Variants in ZPBP observed in about 807,000 individuals in gnomAD.
The protein encoded by ZPBP is zona pellucida binding protein.
A neutral mutation model predicts 44.8 loss-of-function variants in ZPBP; 26 were observed. That is an observed-to-expected ratio of 0.58 (90% CI 0.43 to 0.81). The LOEUF (loss-of-function observed/expected upper bound fraction) is 0.81. Among genes scored for constraint, ZPBP ranks in the 30% least tolerant of loss-of-function variants. ZPBP has a pLI of 0.00. For missense variants in ZPBP, 409 were observed against 434.0 expected, an observed-to-expected ratio of 0.94 and a Z score of 0.51; for synonymous variants, 174 against 153.2, an observed-to-expected ratio of 1.14 and a Z score of -1.00.
chr7:50,010,426 A>G (rs1562843003), intron 6 of ZPBP, among the ~76,000 whole-genome samples: 1 of 152,202 alleles, frequency 6.6e-6, no homozygotes, highest in Non-Finnish European at 1.5e-5. Flanking sequence ...GGCAAAAAAA[A>G]AAAGTAAAAT....
intron 2 of ZPBP, among the ~76,000 whole-genome samples, chr7:49,880,738 G>A (rs1403419349): frequency 2.0e-5 from 3 of 151,994 alleles, no homozygotes; most frequent in South Asian, 2.1e-4. Context: ...TGTAAATGAC[G>A]AGTTAACGGA....
intron 1 of ZPBP, 141 bp downstream of exon 1, chr7:50,092,927 A>G: frequency 7.7e-7 from 1 of 1,294,186 alleles, no homozygotes; most frequent in South Asian, 1.6e-5. Flanking sequence ...TTCCATAAAA[A>G]ATAAGCCTTT....
intron 7 of ZPBP, chr7:49,943,408 A>G: frequency 2.5e-6 from 1 of 405,726 alleles, no homozygotes; most frequent in Non-Finnish European, 4.7e-6. Flanking sequence ...TATTTCATCT[A>G]CAATGGGGAC....
chr7:49,857,056 T>A (rs1161519352), intron 2 of ZPBP, among the ~76,000 whole-genome samples: 3 of 140,238 alleles, frequency 2.1e-5, no homozygotes, highest in Non-Finnish European at 3.1e-5. Flanking sequence ...TAACATGATA[T>A]CTACCTTCTT....
At chr7:49,908,897 A>G (rs1326729704) in intron 1 of ZPBP, among the ~76,000 whole-genome samples, 1 of 152,228 alleles carries the variant, frequency 6.6e-6, no homozygotes, top group African/African-American at 2.4e-5. Context: ...AAAAATAAAG[A>G]TTTTATATTC....
At chr7:49,932,626 A>G (rs962656437), downstream of ZPBP, among the ~76,000 whole-genome samples, 6 of 152,086 alleles carry the variant, frequency 3.9e-5, no homozygotes, top group Admixed American at 6.6e-5. Flanking sequence ...AGATTGAGTT[A>G]ATGCTGAAAT....
chr7:49,849,113 C>T (rs1226991238), downstream of ZPBP, among the ~76,000 whole-genome samples: 1 of 152,088 alleles, frequency 6.6e-6, no homozygotes, highest in Non-Finnish European at 1.5e-5. Flanking sequence ...TTTCTTATTT[C>T]TCAGAGTTTG....
intron 1 of ZPBP, chr7:49,901,279 CTTTG>C (rs1156973406): frequency 2.6e-5 from 4 of 151,796 alleles, no homozygotes; most frequent in African/African-American, 7.2e-5. Context: ...ATAAAACTGT[CTTTG>C]TTTGCAGATG....
At chr7:49,842,958 T>G in the ZPBP span, among the ~76,000 whole-genome samples, 4 of 152,310 alleles carry the variant, frequency 2.6e-5, no homozygotes, top group Non-Finnish European at 5.9e-5. Context: ...CTGGGTGTAC[T>G]GTGTGATGCT....
rs1193781479 is a variant in ZPBP, at chr7:50,030,983, G to A, written c.706+109C>T. On this transcript the variant is annotated intron_variant, in intron 5 of 7. Transcript: ENST00000046087. ...AGTAGAGAACAAAATATATTTGGAT[G>A]TATGGTGTTTATGTTTATATCATAA... 7 of 889,662 alleles carry A rather than the reference G, an allele frequency of 7.9e-6. No individual in the cohort carries two copies. The East Asian group carries it at 1.0e-4, about 13-fold the overall frequency. The allele number at this position is 889,662 out of a possible 1,614,324, so 55.1% of individuals were successfully genotyped here.
intron 2 of ZPBP, among the ~76,000 whole-genome samples, chr7:49,857,511 A>G (rs1170301421): frequency 6.6e-6 from 1 of 151,390 alleles, no homozygotes; most frequent in Non-Finnish European, 1.5e-5. Flanking sequence ...GATATCTTCA[A>G]AGAAGACATA....
intron 1 of ZPBP, among the ~76,000 whole-genome samples, chr7:49,910,884 A>T (rs1041566113): frequency 2.6e-5 from 4 of 152,100 alleles, no homozygotes; most frequent in African/African-American, 9.7e-5. Context: ...TCAGGCCCCA[A>T]CCCAAACCTA....
intron 1 of ZPBP, among the ~76,000 whole-genome samples, chr7:49,909,108 A>G (rs1793261200): frequency 6.6e-6 from 1 of 152,150 alleles, no homozygotes; most frequent in African/African-American, 2.4e-5. Context: ...AAGGCACACA[A>G]TAATTAATTT....
At chr7:49,894,973 A>G in intron 2 of ZPBP, among the ~76,000 whole-genome samples, 1 of 152,336 alleles carries the variant, frequency 6.6e-6, no homozygotes, top group East Asian at 1.9e-4. Context: ...TTCCCCAGTC[A>G]AGAGTGAGTT....
Position 49,980,802 on chromosome 7 carries a change from C to A in ZPBP, c.961+2540G>T, listed in dbSNP as rs550436363. 3.3e-5 allele frequency among the ~76,000 whole-genome samples: 5 copies of A among 152,176 alleles called. No individual in the cohort carries two copies. In the South Asian group the frequency reaches 1.0e-3, roughly 32 times the overall value. ...TGCCACACTTGGAACTAAATTTAAA[C>A]ATGAGATTTTGTGGGAACAAACAAA... On this transcript the variant is annotated intron_variant, in intron 7 of 7. Transcript: ENST00000046087.
chr7:49,932,123 C>T (rs1328947360), intron 1 of ZPBP, among the ~76,000 whole-genome samples: 1 of 152,248 alleles, frequency 6.6e-6, no homozygotes, highest in Admixed American at 6.5e-5. Flanking sequence ...CATGGAGAAC[C>T]TCTGCTAAGG....
intron 2 of ZPBP, among the ~76,000 whole-genome samples, chr7:49,889,412 G>A (rs193037873): frequency 6.6e-6 from 1 of 152,298 alleles, no homozygotes; most frequent in East Asian, 1.9e-4. Context: ...CCACATACTT[G>A]AAATTGTTAT....
chr7:49,948,061 T>A (rs992278017), intron 7 of ZPBP, among the ~76,000 whole-genome samples: 1 of 152,342 alleles, frequency 6.6e-6, no homozygotes, highest in East Asian at 1.9e-4. Flanking sequence ...TTGTGGTGAA[T>A]GCTGCCAGTT....
At position 49,986,577 on chromosome 7, in the gene ZPBP, T is replaced by C. The variant is rs544157129; in HGVS notation, c.784-3058A>G. Among the ~76,000 whole-genome samples, 19 of 152,282 alleles carry C rather than the reference T, an allele frequency of 1.2e-4. 1 individual carries two copies. The South Asian group carries it at 3.9e-3, about 32-fold the overall frequency. On this transcript the variant is annotated intron_variant, in intron 6 of 7. Coordinates refer to ENST00000046087, the MANE Select transcript of ZPBP (RefSeq NM_007009.3). ...TTTCCCTCCTTGTTGGAAGAACCAT[T>C]CGCATAAGAATAAGAGGTTCTTCCC...
Sources: gnomAD v4.1 joint callset for allele counts (sites outside exome capture counted in the v4.1 genomes callset) on GRCh38, gnomAD v4.1.1 for gene constraint, MANE v1.5 for transcripts, NCBI Gene and HGNC (gene_info 2026-07-23, HGNC 2026-07-21) for gene names.